The following PNO1 variants were observed in gnomAD, a reference collection of about 807,000 sequenced individuals.
PNO1 encodes the protein RNA-binding protein PNO1.
In PNO1, 16 loss-of-function variants were observed where a neutral mutation model predicts 28.4. The observed-to-expected ratio is 0.56, with a 90% confidence interval of 0.38 to 0.85. PNO1 has a LOEUF of 0.85. Among genes scored for constraint, PNO1 ranks in the 40% least tolerant of loss-of-function variants. The probability of loss-of-function intolerance (pLI) is 0.00; values close to 1 mark genes in which losing one functional copy is unlikely to be tolerated. For missense variants in PNO1, 304 were observed against 312.2 expected (o/e 0.97, Z 0.20); for synonymous variants, 115 against 110.8 (o/e 1.04, Z -0.24).
At position 68,174,723 on chromosome 2, in the gene PNO1, T is replaced by G. The variant is rs183077218; in HGVS notation, c.692-12T>G. On this transcript the variant is annotated splice_polypyrimidine_tract_variant and intron_variant, in intron 6 of 6. Transcript: ENST00000263657. ...GTTTATTTGTGTATATACTTTTTTT[T>G]CCCCTTTGCAGGAAATCCTCCTTCC... is the stretch of plus-strand genomic sequence containing the variant. The G allele has an allele frequency of 4.2e-5, 66 of 1,589,660 alleles. No individual in the cohort carries two copies. The highest frequency in any genetic ancestry group is 1.5e-4 in the Admixed American group (9 of 59,634).
At chr2:68,163,618 G>A (rs1673901290) in intron 5 of PNO1, among the ~76,000 whole-genome samples, 2 of 152,132 alleles carry the variant, frequency 1.3e-5, no homozygotes, top group Admixed American at 1.3e-4. Flanking sequence ...CACTAGGGGA[G>A]AACAAGCAAT....
rs1674185287 is a variant in PNO1 at position 68,173,457 on chromosome 2, G to T, written c.691+40G>T. On this transcript the variant is annotated intron_variant, in intron 6 of 6. Coordinates refer to ENST00000263657, the MANE Select transcript of PNO1 (RefSeq NM_020143.4). ...TTTCTTTGGTGTTTTCTCTGGGAGG[G>T]ATAGGAAGTTAATTGAGGAAGTCAA... is the stretch of plus-strand genomic sequence containing the variant. 3 of 1,240,332 alleles carry T rather than the reference G, an allele frequency of 2.4e-6. No individual in the cohort carries two copies. The African/African-American group carries it at 4.5e-5, about 18-fold the overall frequency. 76.8% of individuals were successfully genotyped at this position (1,240,332 alleles called of 1,614,324 possible).
At chr2:68,159,395 G>T (rs150788724) in intron 2 of PNO1, among the ~76,000 whole-genome samples, 47 of 152,050 alleles carry the variant, frequency 3.1e-4, no homozygotes, top group African/African-American at 1.1e-3. Flanking sequence ...TTTTAGTAGA[G>T]ACTGGGTTTT....
At position 68,157,932 on chromosome 2, in the gene PNO1, G is replaced by C. The variant is rs373141850; in HGVS notation, c.-3G>C. On this transcript the variant is annotated 5_prime_UTR_variant, in exon 1 of 7. Coordinates refer to ENST00000263657, the MANE Select transcript of PNO1 (RefSeq NM_020143.4). ...AGCCGGCAGCGCTTTAAGATTTCCG[G>C]GGATGGAATCCGAAATGGAAACGCA... The C allele has an allele frequency of 1.2e-6, 2 of 1,613,690 alleles. No homozygotes were observed. The highest frequency in any genetic ancestry group is 2.7e-5 in the African/African-American group (2 of 75,052).
intron 5 of PNO1, among the ~76,000 whole-genome samples, chr2:68,165,591 G>A (rs1673974622): frequency 6.9e-6 from 1 of 145,344 alleles, no homozygotes; most frequent in South Asian, 2.1e-4. Flanking sequence ...CCTCACACCT[G>A]TAATTTCAGC....
chr2:68,158,572 C>G (rs576428224), intron 2 of PNO1, 43 bp downstream of exon 2: 19 of 1,551,888 alleles, frequency 1.2e-5, no homozygotes, highest in African/African-American at 1.1e-4. Context: ...CAGGCTTTCT[C>G]TCCTACAGAG....
At chr2:68,163,088 G>C (rs910576093) in intron 5 of PNO1, among the ~76,000 whole-genome samples, 1 of 152,202 alleles carries the variant, frequency 6.6e-6, no homozygotes, top group African/African-American at 2.4e-5. Flanking sequence ...ACCGTGTTAA[G>C]TTGGGAATCA....
chr2:68,158,099 G>A lies in PNO1; in HGVS notation c.165G>A (p.Ala55=). 1.2e-6 allele frequency: 2 copies of A among 1,610,876 alleles called. No homozygotes were observed. Among genetic ancestry groups the A allele is most frequent in the Non-Finnish European group, 1.7e-6 (2 of 1,178,678 alleles). Residue 55 remains alanine (A), a synonymous_variant, in exon 1 of 7, where the codon GCG becomes GCA. Transcript: ENST00000263657. ...TGGACACAGAGGAGGCCAGGCCGGC[G>A]AAGAGGCCCGTCTTCCCACCCCTCT... ...GRMDTEEARP[A]KRPVFPPLCG...
intron 6 of PNO1, 63 bp downstream of exon 6, chr2:68,173,480 C>A: frequency 2.0e-6 from 2 of 1,008,640 alleles, no homozygotes; most frequent in South Asian, 1.3e-5. Flanking sequence ...TTGAGGAAGT[C>A]AAAACCACAT....
At chr2:68,167,035 C>G (rs1161612024) in intron 5 of PNO1, among the ~76,000 whole-genome samples, 2 of 152,164 alleles carry the variant, frequency 1.3e-5, no homozygotes, top group African/African-American at 2.4e-5. Flanking sequence ...ATGGTTTTCT[C>G]CAGCAGGAAT....
intron 5 of PNO1, among the ~76,000 whole-genome samples, chr2:68,165,607 G>C (rs1673975310): frequency 6.8e-6 from 1 of 148,000 alleles, no homozygotes; most frequent in Admixed American, 6.8e-5. Flanking sequence ...TCAGCACTTT[G>C]GGAGGCTAAG....
intron 5 of PNO1, among the ~76,000 whole-genome samples, chr2:68,166,352 T>TATG (rs1490032937): frequency 6.6e-6 from 1 of 151,840 alleles, no homozygotes; most frequent in Non-Finnish European, 1.5e-5. Context: ...TTGTATGTTA[T>TATG]ATGTATTATA....
intron 2 of PNO1, chr2:68,161,172 G>A: frequency 2.1e-6 from 1 of 468,586 alleles, no homozygotes; most frequent in South Asian, 1.6e-5. Flanking sequence ...TAAACTTTGA[G>A]GACAGGTTCA....
intron 5 of PNO1, among the ~76,000 whole-genome samples, chr2:68,163,552 C>T (rs897657124): frequency 6.8e-6 from 1 of 147,880 alleles, no homozygotes; most frequent in Non-Finnish European, 1.5e-5. Context: ...TACATACATA[C>T]ATACATACAT....
intron 2 of PNO1, 114 bp downstream of exon 2, chr2:68,158,643 G>C (rs1313494902): frequency 9.6e-6 from 9 of 941,400 alleles, no homozygotes; most frequent in South Asian, 2.1e-5. Context: ...TTTTTGTCCA[G>C]TTTAAAAATT....
chr2:68,165,988 C>CT (rs1244012533), intron 5 of PNO1, among the ~76,000 whole-genome samples: 2 of 152,204 alleles, frequency 1.3e-5, no homozygotes, highest in Admixed American at 6.5e-5. Context: ...TGCCCCCACC[C>CT]TTTTCTGGGA....
intron 5 of PNO1, among the ~76,000 whole-genome samples, chr2:68,164,592 T>C (rs11895240): frequency 0.041 from 6,200 of 150,982 alleles, 356 homozygotes; most frequent in African/African-American, 0.13. Flanking sequence ...GCTTGAGCCC[T>C]GAAGTTCAAG....
chr2:68,175,013 G>T lies in PNO1; in HGVS notation c.*211G>T. The stretch of plus-strand genomic sequence containing the variant: ...ATAATTTAAATATCAAAAATTGATT[G>T]TTATACTTAACACATTAGGTATAAT... On this transcript the variant is annotated 3_prime_UTR_variant, in exon 7 of 7. Coordinates refer to ENST00000263657, the MANE Select transcript of PNO1 (RefSeq NM_020143.4). The T allele has an allele frequency of 2.5e-6, 1 of 393,416 alleles. No homozygotes were observed. The highest frequency in any genetic ancestry group is 4.2e-6 in the Non-Finnish European group (1 of 239,898). 24.4% of individuals were successfully genotyped at this position (393,416 alleles called of 1,614,324 possible). A position where few individuals can be genotyped will look rare whatever the true frequency, so the allele number is the denominator to read the frequency against.
intron 5 of PNO1, among the ~76,000 whole-genome samples, chr2:68,172,027 T>C (rs1433896641): frequency 6.6e-6 from 1 of 151,996 alleles, no homozygotes; most frequent in Non-Finnish European, 1.5e-5. Context: ...GGTGTGACCA[T>C]GGATGGAAGA....
Sources: gnomAD v4.1 joint callset for allele counts (sites outside exome capture counted in the v4.1 genomes callset) on GRCh38, gnomAD v4.1.1 for gene constraint, MANE v1.5 for transcripts, NCBI Gene and HGNC (gene_info 2026-07-23, HGNC 2026-07-21) for gene names.